The following UBE2E3 variants were observed in gnomAD, a reference collection of about 807,000 sequenced individuals.
The protein encoded by UBE2E3 is ubiquitin-conjugating enzyme E2 E3.
UBE2E3 carries 5 observed loss-of-function variants against 23.6 expected under a neutral mutation model. The observed-to-expected ratio is 0.21, with a 90% CI of 0.11 to 0.44. The LOEUF is 0.44. Among genes scored for constraint, UBE2E3 ranks in the 20% least tolerant of loss-of-function variants. The probability of loss-of-function intolerance (pLI) is 0.99; values close to 1 mark genes in which losing one functional copy is unlikely to be tolerated. For missense variants in UBE2E3, 81 were observed against 249.8 expected, an observed-to-expected ratio of 0.32 and a Z score of 4.55; for synonymous variants, 78 against 87.5, an observed-to-expected ratio of 0.89 and a Z score of 0.60.
At chr2:180,982,318 T>A in intron 2 of UBE2E3, 82 bp downstream of exon 2, 1 of 1,231,906 alleles carries the variant, frequency 8.1e-7, no homozygotes, top group East Asian at 2.3e-5. Context: ...TTTACCTCAA[T>A]AGCAGTAGTT....
At chr2:181,052,620 T>G (rs1255321631) in intron 3 of UBE2E3, among the ~76,000 whole-genome samples, 2 of 150,832 alleles carry the variant, frequency 1.3e-5, no homozygotes, top group African/African-American at 2.5e-5. Flanking sequence ...CACCTGACTT[T>G]CACACATTTT....
intron 3 of UBE2E3, among the ~76,000 whole-genome samples, chr2:180,999,331 C>G (rs1312446323): frequency 6.6e-6 from 1 of 152,178 alleles, no homozygotes; most frequent in East Asian, 1.9e-4. Context: ...AGTTTATCTC[C>G]TCACCAGTTG....
At chr2:180,994,599 A>C (rs1178900915) in intron 3 of UBE2E3, among the ~76,000 whole-genome samples, 2 of 152,170 alleles carry the variant, frequency 1.3e-5, no homozygotes, top group Admixed American at 1.3e-4. Context: ...CCCCACAGTT[A>C]TTTGAGTGAG....
At chr2:181,019,694 CAA>C (rs1430298502) in intron 3 of UBE2E3, among the ~76,000 whole-genome samples, 2 of 151,994 alleles carry the variant, frequency 1.3e-5, no homozygotes, top group East Asian at 1.9e-4. Flanking sequence ...AGATAATTGA[CAA>C]ATTTAAATAT....
At chr2:181,021,220 A>G (rs527781901) in intron 3 of UBE2E3, among the ~76,000 whole-genome samples, 49 of 152,308 alleles carry the variant, frequency 3.2e-4, no homozygotes, top group African/African-American at 1.1e-3. Flanking sequence ...GACAAATAAG[A>G]TATTAATCCT....
chr2:181,049,277 A>G (rs145628044), intron 3 of UBE2E3, among the ~76,000 whole-genome samples: 520 of 152,228 alleles, frequency 3.4e-3, no homozygotes, highest in Admixed American at 8.1e-3. Flanking sequence ...GGCTAAAGAC[A>G]ATATACTTAT....
intron 3 of UBE2E3, among the ~76,000 whole-genome samples, chr2:181,000,238 A>G (rs1684950789): frequency 6.6e-6 from 1 of 152,242 alleles, no homozygotes; most frequent in African/African-American, 2.4e-5. Flanking sequence ...AGCTTTCTAC[A>G]ACATGGGGTT....
intron 3 of UBE2E3, among the ~76,000 whole-genome samples, chr2:181,044,613 A>G (rs1686614893): frequency 6.6e-6 from 1 of 152,138 alleles, no homozygotes; most frequent in Non-Finnish European, 1.5e-5. Context: ...TAATTTCAAG[A>G]TTTGTGACAT....
chr2:181,031,487 A>C (rs1300013092), intron 3 of UBE2E3, among the ~76,000 whole-genome samples: 1 of 152,080 alleles, frequency 6.6e-6, no homozygotes, highest in Non-Finnish European at 1.5e-5. Flanking sequence ...TTGTCATTTT[A>C]AAGTACCACA....
chr2:181,060,833 A>G, intron 5 of UBE2E3, 21 bp downstream of exon 5: 6 of 1,494,314 alleles, frequency 4.0e-6, no homozygotes, highest in Non-Finnish European at 5.4e-6. Flanking sequence ...CTTTATTAAC[A>G]TGTACAATAA....
intron 3 of UBE2E3, among the ~76,000 whole-genome samples, chr2:180,987,742 G>A (rs867336923): frequency 3.9e-5 from 6 of 152,070 alleles, no homozygotes; most frequent in Non-Finnish European, 8.8e-5. Context: ...ATTGTCTGAG[G>A]ATAAATTCTG....
Position 181,063,047 on chromosome 2 carries a change from T to C in UBE2E3, c.*159T>C, listed in dbSNP as rs539039056. The C allele has an allele frequency of 1.7e-5, 7 of 411,648 alleles. No homozygotes were observed. In the East Asian group the frequency reaches 2.6e-4, roughly 15 times the overall value. 25.5% of individuals were successfully genotyped at this position (411,648 alleles called of 1,614,324 possible). On this transcript the variant is annotated 3_prime_UTR_variant, in exon 6 of 6. Coordinates refer to ENST00000410062, the MANE Select transcript of UBE2E3 (RefSeq NM_006357.4). The surrounding 1 kb of genome is among the most constrained non-coding windows in gnomAD (Gnocchi z 4.1). ...CTGGGAGACTCCCCAAAAAGGTAAA[T>C]GCTATCAAGAGTAGAACTTTGTAGC...
intron 3 of UBE2E3, among the ~76,000 whole-genome samples, chr2:181,041,933 G>T (rs764617613): frequency 7.2e-5 from 11 of 152,154 alleles, no homozygotes; most frequent in Non-Finnish European, 1.3e-4. Flanking sequence ...TAGTACTGTT[G>T]ACTATAAACA....
intron 2 of UBE2E3, among the ~76,000 whole-genome samples, chr2:180,983,572 AC>A (rs1430358048): frequency 6.6e-6 from 1 of 152,150 alleles, no homozygotes; most frequent in African/African-American, 2.4e-5. Context: ...TAAATTTTAA[AC>A]TTTTTTTTTG....
rs1449787696 is a variant in UBE2E3 at position 181,060,778 on chromosome 2, G to C, written c.492G>C (p.Leu164=). The part of the protein sequence containing the change: ...SPALTISKVL[L]SICSLLTDCN... ...CTTTGACTATTTCAAAGGTTTTGCT[G>C]TCTATTTGTTCCCTTTTGACAGACT... Residue 164 remains leucine (L), a synonymous_variant, in exon 5 of 6, where the codon CTG becomes CTC. Coordinates refer to ENST00000410062, the MANE Select transcript of UBE2E3 (RefSeq NM_006357.4). The C allele has an allele frequency of 2.5e-6, 4 of 1,594,848 alleles. No homozygotes were observed. The African/African-American group carries it at 4.2e-5, about 17-fold the overall frequency.
At chr2:181,005,601 G>T (rs1011454183) in intron 3 of UBE2E3, among the ~76,000 whole-genome samples, 3 of 151,790 alleles carry the variant, frequency 2.0e-5, no homozygotes, top group African/African-American at 7.3e-5. Context: ...TATTATGATG[G>T]TTCACTTAAC....
intron 3 of UBE2E3, among the ~76,000 whole-genome samples, chr2:181,033,979 A>G (rs1261660511): frequency 6.6e-6 from 1 of 152,190 alleles, no homozygotes; most frequent in Non-Finnish European, 1.5e-5. Flanking sequence ...ACAATGAGAT[A>G]CCATCTCACA....
chr2:181,033,650 C>G (rs1434137820), intron 3 of UBE2E3, among the ~76,000 whole-genome samples: 1 of 152,128 alleles, frequency 6.6e-6, no homozygotes, highest in African/African-American at 2.4e-5. Flanking sequence ...ACACCAAAAG[C>G]AATGGCAACA....
At chr2:181,061,035 C>T (rs921168637) in intron 5 of UBE2E3, among the ~76,000 whole-genome samples, 1 of 150,780 alleles carries the variant, frequency 6.6e-6, no homozygotes, top group Admixed American at 6.6e-5. Flanking sequence ...AATGGCATAC[C>T]ACTCTATAAT....
Sources: allele counts gnomAD v4.1 joint callset (sites outside exome capture counted in the v4.1 genomes callset), GRCh38; gene constraint gnomAD v4.1.1; non-coding constraint Gnocchi (gnomAD v3.1); transcripts MANE v1.5; gene names NCBI Gene and HGNC (gene_info 2026-07-23, HGNC 2026-07-21).